UGT2A1: variants seen among roughly 807,000 people sequenced by gnomAD.
The protein encoded by UGT2A1 is UDP-glucuronosyltransferase 2A1.
UGT2A1 carries 61 observed loss-of-function variants against 45.4 expected under a neutral mutation model. The ratio of observed to expected loss-of-function variants is 1.34; its 90% confidence interval spans 1.09 to 1.66. The LOEUF (loss-of-function observed/expected upper bound fraction) is 1.66. Among genes scored for constraint, UGT2A1 ranks in the 40% most tolerant of loss-of-function variants. The probability of loss-of-function intolerance (pLI) is 0.00; values close to 1 mark genes in which losing one functional copy is unlikely to be tolerated. For synonymous variants in UGT2A1, 229 were observed against 196.2 expected, an observed-to-expected ratio of 1.17 and a Z score of -1.40; for missense variants, 649 against 574.3, an observed-to-expected ratio of 1.13 and a Z score of -1.33.
At chr4:69,590,604 T>C (rs1017872321) in intron 6 of UGT2A1, among the ~76,000 whole-genome samples, 4 of 151,844 alleles carry the variant, frequency 2.6e-5, no homozygotes, top group Non-Finnish European at 5.9e-5. Flanking sequence ...ATGGTACAAC[T>C]AGATTCAGCA....
At chr4:69,633,994 T>C (rs2109959966) in intron 3 of UGT2A1, among the ~76,000 whole-genome samples, 1 of 152,096 alleles carries the variant, frequency 6.6e-6, no homozygotes, top group East Asian at 1.9e-4. Context: ...GCCTGTAATC[T>C]CAGCACTTTG....
At chr4:69,599,646 G>A in intron 3 of UGT2A1, 1 of 357,816 alleles carries the variant, frequency 2.8e-6, no homozygotes, top group Non-Finnish European at 4.9e-6. Flanking sequence ...GGAGAGAGAG[G>A]AAAGCAAGGA....
At position 69,632,844 on chromosome 4, in the gene UGT2A1, C is replaced by T. The variant is rs1040565824; in HGVS notation, c.847+2847G>A. Among the ~76,000 whole-genome samples, 4 of 150,360 alleles carry T rather than the reference C, an allele frequency of 2.7e-5. No individual in the cohort carries two copies. The East Asian group carries it at 5.9e-4, about 22-fold the overall frequency. ...CGGGGGTTGCAGTGAGCCGAGATTGCGCCATTGCAATCCAGCCTGAGCGAC... is the reference window on the plus strand; with the variant it reads ...CGGGGGTTGCAGTGAGCCGAGATTGTGCCATTGCAATCCAGCCTGAGCGAC... On this transcript the variant is annotated intron_variant, in intron 3 of 6. Coordinates refer to ENST00000286604, the MANE Select transcript of UGT2A1 (RefSeq NM_001252275.3).
chr4:69,651,041 C>T (rs771438878), intron 1 of UGT2A1, among the ~76,000 whole-genome samples: 3 of 151,948 alleles, frequency 2.0e-5, no homozygotes, highest in South Asian at 2.1e-4. Context: ...ACATAATAGA[C>T]GCATAAATTC....
rs1313903827 is a variant in UGT2A1 at position 69,603,701 on chromosome 4, C to T, written c.848-4307G>A. ...TTAGACGAATGGCTAACTAGAATCA[C>T]CAATGAAGAAAAGCCCTTAAAGGAC... On this transcript the variant is annotated intron_variant, in intron 3 of 6. Transcript: ENST00000286604. 2.9e-5 allele frequency: 4 copies of T among 135,912 alleles called. 1 individual carries two copies. Among genetic ancestry groups the T allele is most frequent in the Admixed American group, 2.9e-4 (4 of 13,802 alleles). The allele number at this position is 135,912 out of a possible 1,614,324, so 8.4% of individuals were successfully genotyped here.
chr4:69,619,070 T>A (rs1407801049), intron 3 of UGT2A1, among the ~76,000 whole-genome samples: 1 of 151,846 alleles, frequency 6.6e-6, no homozygotes, highest in Non-Finnish European at 1.5e-5. Context: ...TTTATTTATA[T>A]CAGAAAAAAG....
At chr4:69,639,997 A>T (rs1168213064) in intron 2 of UGT2A1, among the ~76,000 whole-genome samples, 1 of 152,054 alleles carries the variant, frequency 6.6e-6, no homozygotes, top group Non-Finnish European at 1.5e-5. Context: ...GTTTTAGATT[A>T]TATGGATTAT....
At chr4:69,622,955 C>T (rs868521090) in intron 3 of UGT2A1, among the ~76,000 whole-genome samples, 1 of 151,820 alleles carries the variant, frequency 6.6e-6, no homozygotes, top group African/African-American at 2.4e-5. Context: ...AGTCCACCCA[C>T]TTGCTATGGG....
At chr4:69,592,814 A>T (rs1297583387) in intron 6 of UGT2A1, among the ~76,000 whole-genome samples, 1 of 152,112 alleles carries the variant, frequency 6.6e-6, no homozygotes, top group African/African-American at 2.4e-5. Context: ...AATACAAAAA[A>T]AATTAATTTC....
intron 2 of UGT2A1, among the ~76,000 whole-genome samples, chr4:69,636,365 A>G (rs1242999574): frequency 6.6e-6 from 1 of 152,206 alleles, no homozygotes; most frequent in Non-Finnish European, 1.5e-5. Context: ...CAAACAAAAT[A>G]CAAAATGGGG....
chr4:69,620,231 AC>A (rs1286774620), intron 3 of UGT2A1, among the ~76,000 whole-genome samples: 1 of 151,968 alleles, frequency 6.6e-6, no homozygotes, highest in Non-Finnish European at 1.5e-5. Context: ...TATGTAGAAA[AC>A]CCCATAGTCT....
rs1191293632 is a variant in UGT2A1 at position 69,599,401 on chromosome 4, A to G, written c.848-7T>C. 1 of 1,611,894 alleles carries G rather than the reference A, an allele frequency of 6.2e-7. No homozygotes were observed. The highest frequency in any genetic ancestry group is 8.5e-7 in the Non-Finnish European group (1 of 1,179,480). On this transcript the variant is annotated splice_region_variant and splice_polypyrimidine_tract_variant and intron_variant, in intron 3 of 6. Coordinates refer to ENST00000286604, the MANE Select transcript of UGT2A1 (RefSeq NM_001252275.3). ...CATAACGTAGTGGGTCTTCCTGGAG[A>G]AAATGTAACAAGTTGGATGGAGGAA... is the stretch of plus-strand genomic sequence containing the variant.
In UGT2A1 at chr4:69,617,063, C is replaced by G. The variant is rs561539709; in HGVS notation, c.848-17669G>C. 2.6e-5 allele frequency among the ~76,000 whole-genome samples: 4 copies of G among 151,918 alleles called. No homozygotes were observed. In the South Asian group the frequency reaches 8.3e-4, roughly 32 times the overall value. On this transcript the variant is annotated intron_variant, in intron 3 of 6. Coordinates refer to ENST00000286604, the MANE Select transcript of UGT2A1 (RefSeq NM_001252275.3). ...CAGTTTCCAATTGCCAGGAAATTCT[C>G]AACTTCTCTGATCTTGATTTCTTCA...
chr4:69,650,007 C>T (rs952440016), intron 1 of UGT2A1, among the ~76,000 whole-genome samples: 2 of 152,008 alleles, frequency 1.3e-5, no homozygotes, highest in Non-Finnish European at 2.9e-5. Context: ...GAAAATTAAA[C>T]ACCCCACCCC....
At chr4:69,595,811 C>T (rs770379022) in intron 4 of UGT2A1, among the ~76,000 whole-genome samples, 3 of 152,182 alleles carry the variant, frequency 2.0e-5, no homozygotes, top group South Asian at 2.1e-4. Flanking sequence ...AAACCAACTA[C>T]ACTTTGATAG....
chr4:69,589,690 T>G, intron 6 of UGT2A1, 39 bp from the exon 7 acceptor site: 1 of 1,563,054 alleles, frequency 6.4e-7, no homozygotes, highest in Non-Finnish European at 8.7e-7. Context: ...AGACAATTTT[T>G]GTTTTTATTT....
Position 69,604,259 on chromosome 4 carries a change from T to C in UGT2A1, c.848-4865A>G, listed in dbSNP as rs1437694843. On this transcript the variant is annotated intron_variant, in intron 3 of 6. Transcript: ENST00000286604. The stretch of plus-strand genomic sequence containing the variant: ...CAAGCCAGAAGACAGTGGGGACCAA[T>C]ATTCACCATTCTTAAAGAAAAGAAT... Among the ~76,000 whole-genome samples, 3 of 136,856 alleles carry C rather than the reference T, an allele frequency of 2.2e-5. 1 individual carries two copies. The highest frequency in any genetic ancestry group is 4.7e-5 in the Non-Finnish European group (3 of 64,322). 89.8% of individuals were successfully genotyped at this position (136,856 alleles called of 152,430 possible).
intron 3 of UGT2A1, among the ~76,000 whole-genome samples, chr4:69,627,540 GAGAGAGAA>G (rs199842756): frequency 0.17 from 24,400 of 140,200 alleles, 2,390 homozygotes; most frequent in Middle Eastern, 0.23. Flanking sequence ...AAGAAAGAGA[GAGAGAGAA>G]AGAGAGAGAG....
intron 2 of UGT2A1, among the ~76,000 whole-genome samples, chr4:69,642,752 A>G (rs191279486): frequency 3.3e-5 from 5 of 151,674 alleles, no homozygotes; most frequent in Admixed American, 6.6e-5. Context: ...CTAATTATTC[A>G]TATATAATGT....
Sources: allele counts gnomAD v4.1 joint callset (sites outside exome capture counted in the v4.1 genomes callset), GRCh38; gene constraint gnomAD v4.1.1; transcripts MANE v1.5; gene names NCBI Gene and HGNC (gene_info 2026-07-23, HGNC 2026-07-21).